The following CAMK4 variants were observed in gnomAD, a reference collection of about 807,000 sequenced individuals.
CAMK4 encodes the protein calcium/calmodulin-dependent protein kinase type IV.
A neutral mutation model predicts 44.9 loss-of-function variants in CAMK4; 22 were observed. That is an observed-to-expected ratio of 0.49 (90% CI 0.35 to 0.70). CAMK4 has a LOEUF of 0.70. Ranked by LOEUF, CAMK4 falls within the 30% of genes least tolerant of loss-of-function variation. The pLI is 0.01. For synonymous variants in CAMK4, 218 were observed against 215.4 expected (o/e 1.01, Z -0.11); for missense variants, 498 against 586.8 (o/e 0.85, Z 1.56).
chr5:111,430,966 A>G (rs1430520701), intron 5 of CAMK4, among the ~76,000 whole-genome samples: 2 of 152,188 alleles, frequency 1.3e-5, no homozygotes, highest in Non-Finnish European at 2.9e-5. Context: ...TAAATTTTAT[A>G]TGGAACCACA....
chr5:111,418,322 A>G (rs1752887100), intron 5 of CAMK4, among the ~76,000 whole-genome samples: 1 of 152,194 alleles, frequency 6.6e-6, no homozygotes, highest in Non-Finnish European at 1.5e-5. Context: ...ACAAGGTAAT[A>G]GAATATCACA....
chr5:111,340,781 G>GT (rs1238012257), intron 1 of CAMK4, among the ~76,000 whole-genome samples: 4 of 150,932 alleles, frequency 2.7e-5, no homozygotes, highest in East Asian at 3.9e-4. Context: ...ATTGGTATTA[G>GT]TTTTTTTTAA....
At chr5:111,262,895 A>AT (rs1750051727) in intron 1 of CAMK4, among the ~76,000 whole-genome samples, 1 of 152,238 alleles carries the variant, frequency 6.6e-6, no homozygotes, top group Admixed American at 6.5e-5. Flanking sequence ...GAATGTATTT[A>AT]TCACACAGAC....
intron 7 of CAMK4, among the ~76,000 whole-genome samples, chr5:111,466,627 A>G (rs1754844870): frequency 6.6e-6 from 1 of 152,194 alleles, no homozygotes; most frequent in African/African-American, 2.4e-5. Flanking sequence ...ATACTTAGGA[A>G]CAAACCTAGC....
At chr5:111,434,123 G>A (rs756494591) in intron 5 of CAMK4, among the ~76,000 whole-genome samples, 10 of 152,056 alleles carry the variant, frequency 6.6e-5, no homozygotes, top group Non-Finnish European at 1.0e-4. Context: ...GTGAAACCCC[G>A]TCTCTACTAA....
chr5:111,448,242 C>T (rs777835387), intron 6 of CAMK4, among the ~76,000 whole-genome samples: 2 of 151,952 alleles, frequency 1.3e-5, no homozygotes, highest in African/African-American at 4.8e-5. Flanking sequence ...GGATTCTTAC[C>T]AAAAAAATCT....
intron 2 of CAMK4, among the ~76,000 whole-genome samples, chr5:111,356,680 A>G (rs1411127359): frequency 1.3e-5 from 2 of 152,148 alleles, no homozygotes; most frequent in African/African-American, 4.8e-5. Context: ...TAATTTTTGT[A>G]TAAGGTGTAA....
At chr5:111,394,392 TG>T (rs533818024) in intron 4 of CAMK4, among the ~76,000 whole-genome samples, 142 of 152,254 alleles carry the variant, frequency 9.3e-4, no homozygotes, top group African/African-American at 3.2e-3. Flanking sequence ...GACAATTACA[TG>T]GGGGTGTTTC....
chr5:111,417,585 G>A (rs1194900749), intron 5 of CAMK4, among the ~76,000 whole-genome samples: 1 of 151,990 alleles, frequency 6.6e-6, no homozygotes, highest in African/African-American at 2.4e-5. Context: ...TCTCAAACTG[G>A]GCTCAAGTGA....
At chr5:111,326,757 C>A (rs529998504) in intron 1 of CAMK4, among the ~76,000 whole-genome samples, 1 of 151,532 alleles carries the variant, frequency 6.6e-6, no homozygotes, top group Non-Finnish European at 1.5e-5. Flanking sequence ...AGCAGTTGCA[C>A]AATACAGGGA....
chr5:111,424,086 A>G (rs1427550171), intron 5 of CAMK4, among the ~76,000 whole-genome samples: 1 of 152,254 alleles, frequency 6.6e-6, no homozygotes, highest in East Asian at 1.9e-4. Context: ...TCTGTCACCC[A>G]CTACTATGCC....
chr5:111,470,073 C>T lies in CAMK4; in HGVS notation c.626-3238C>T, dbSNP rs545500346. Among the ~76,000 whole-genome samples, 215 of 152,338 alleles carry T rather than the reference C, an allele frequency of 1.4e-3. 1 individual carries two copies. Among genetic ancestry groups the T allele is most frequent in the African/African-American group, 5.0e-3 (207 of 41,572 alleles). ...TATGCATGCTCAATATGTGTGCATT[C>T]GGCTCCTTGACTGGAACATCTCCTA... On this transcript the variant is annotated intron_variant, in intron 7 of 10. Coordinates refer to ENST00000282356, the MANE Select transcript of CAMK4 (RefSeq NM_001744.6).
chr5:111,302,675 C>A (rs1159583610), intron 1 of CAMK4: 17 of 37,132 alleles, frequency 4.6e-4, no homozygotes, highest in African/African-American at 2.4e-3. Context: ...GGGAGGGGCG[C>A]CCGCCATTGC....
intron 5 of CAMK4, among the ~76,000 whole-genome samples, chr5:111,443,279 TACACAC>T (rs60644060): frequency 0.07 from 2,605 of 37,098 alleles, 144 homozygotes; most frequent in Non-Finnish European, 0.095. Context: ...TATATATATA[TACACAC>T]ACACACACAC....
rs796189022 is a variant in CAMK4, at chr5:111,489,478, G to C, written c.*5012G>C. 25 of 152,242 alleles carry C rather than the reference G, an allele frequency of 1.6e-4. No homozygotes were observed. Among genetic ancestry groups the C allele is most frequent in the African/African-American group, 6.0e-4 (25 of 41,542 alleles). 9.4% of individuals were successfully genotyped at this position (152,242 alleles called of 1,614,324 possible). On this transcript the variant is annotated 3_prime_UTR_variant, in exon 11 of 11. Transcript: ENST00000282356. ...ATAACAAACTTGATTAATTTGTTTG[G>C]TTATTTAAAATTCCAACTTTCATAA... is the stretch of plus-strand genomic sequence containing the variant.
At chr5:111,247,593 A>C (rs1749296056) in intron 1 of CAMK4, among the ~76,000 whole-genome samples, 1 of 151,860 alleles carries the variant, frequency 6.6e-6, no homozygotes, top group Non-Finnish European at 1.5e-5. Context: ...TCTGCAGGAT[A>C]GGCCAGTACA....
intron 1 of CAMK4, among the ~76,000 whole-genome samples, chr5:111,255,459 G>T (rs1302959704): frequency 1.3e-5 from 2 of 152,120 alleles, no homozygotes; most frequent in Non-Finnish European, 1.5e-5. Context: ...TGATTTTTCT[G>T]TACATTTCTT....
intron 2 of CAMK4, among the ~76,000 whole-genome samples, chr5:111,363,418 A>G (rs568597391): frequency 6.6e-6 from 1 of 152,260 alleles, no homozygotes; most frequent in South Asian, 2.1e-4. Context: ...AAGTTATTAA[A>G]TGCCAGGTAT....
chr5:111,268,952 A>G (rs1292436021), intron 1 of CAMK4, among the ~76,000 whole-genome samples: 1 of 152,252 alleles, frequency 6.6e-6, no homozygotes, highest in Non-Finnish European at 1.5e-5. Flanking sequence ...GATGTGACCT[A>G]CAAATAATGA....
Sources: allele counts gnomAD v4.1 joint callset (sites outside exome capture counted in the v4.1 genomes callset), GRCh38; gene constraint gnomAD v4.1.1; transcripts MANE v1.5; gene names NCBI Gene and HGNC (gene_info 2026-07-23, HGNC 2026-07-21).